The following CA8 variants were observed in gnomAD, a reference collection of about 807,000 sequenced individuals.
The protein encoded by CA8 is carbonic anhydrase 8 (inactive), also known as carbonic anhydrase-related protein.
In CA8, 22 loss-of-function variants were observed where a neutral mutation model predicts 41.4. The ratio of observed to expected loss-of-function variants is 0.53; its 90% CI spans 0.38 to 0.76. CA8 has a LOEUF of 0.76. Among genes scored for constraint, CA8 ranks in the 30% least tolerant of loss-of-function variants. The pLI is 0.00. For synonymous variants in CA8, 121 were observed against 130.6 expected (o/e 0.93, Z 0.50); for missense variants, 270 against 352.8 (o/e 0.77, Z 1.88).
At chr8:60,278,519 C>T (rs1269764840) in intron 2 of CA8, among the ~76,000 whole-genome samples, 1 of 152,132 alleles carries the variant, frequency 6.6e-6, no homozygotes, top group Non-Finnish European at 1.5e-5. Context: ...AATAATTTTA[C>T]AATATCCTTT....
chr8:60,240,897 G>A (rs1241787945), intron 3 of CA8, among the ~76,000 whole-genome samples: 1 of 151,948 alleles, frequency 6.6e-6, no homozygotes, highest in Non-Finnish European at 1.5e-5. Flanking sequence ...TTATATCTCA[G>A]CTGTTCTTAT....
At chr8:60,192,081 T>C (rs896145090) in intron 8 of CA8, among the ~76,000 whole-genome samples, 2 of 152,122 alleles carry the variant, frequency 1.3e-5, no homozygotes, top group Non-Finnish European at 2.9e-5. Flanking sequence ...TTCTTACTTA[T>C]ATATTTTTCA....
intron 2 of CA8, among the ~76,000 whole-genome samples, chr8:60,273,541 T>C (rs1346465840): frequency 6.6e-6 from 1 of 152,216 alleles, no homozygotes; most frequent in African/African-American, 2.4e-5. Context: ...TCTATGCAGA[T>C]GCACTGCTCA....
intron 8 of CA8, among the ~76,000 whole-genome samples, chr8:60,198,274 G>A (rs1806333920): frequency 6.6e-6 from 1 of 152,110 alleles, no homozygotes; most frequent in South Asian, 2.1e-4. Context: ...GGTCTCATAG[G>A]ATTGTTACGA....
chr8:60,192,937 GCACACACACACACACACA>G (rs377257462), intron 8 of CA8, among the ~76,000 whole-genome samples: 1 of 140,662 alleles, frequency 7.1e-6, no homozygotes, highest in African/African-American at 2.7e-5. Context: ...TCAACATCAT[GCACACACACACACACACA>G]CACACACACA....
chr8:60,258,062 T>C (rs1259822015), intron 3 of CA8, among the ~76,000 whole-genome samples: 1 of 152,228 alleles, frequency 6.6e-6, no homozygotes, highest in Non-Finnish European at 1.5e-5. Context: ...GCCATGCTGC[T>C]ACATCTCGCC....
chr8:60,245,069 T>C (rs953334264), intron 3 of CA8, among the ~76,000 whole-genome samples: 7 of 152,308 alleles, frequency 4.6e-5, no homozygotes, highest in East Asian at 1.9e-4. Context: ...CTGGCAAACA[T>C]AGTCTTCATA....
chr8:60,254,660 A>G (rs1184758622), intron 3 of CA8, among the ~76,000 whole-genome samples: 1 of 152,252 alleles, frequency 6.6e-6, no homozygotes, highest in East Asian at 1.9e-4. Context: ...GCCCTGGACC[A>G]GGGTCACAGT....
In CA8 at chr8:60,266,066, A is replaced by G; in HGVS notation, c.293-17T>C. 6.2e-7 allele frequency: 1 copy of G among 1,611,944 alleles called. No homozygotes were observed. Among genetic ancestry groups the G allele is most frequent in the Non-Finnish European group, 8.5e-7 (1 of 1,178,960 alleles). On this transcript the variant is annotated splice_polypyrimidine_tract_variant and intron_variant, in intron 2 of 8. Transcript: ENST00000317995. ...CCGAAAGAACTGAAAAAGAAAATATATGTTACCGAATTACAGCACACATTT... is the reference window on the plus strand; with the variant it reads ...CCGAAAGAACTGAAAAAGAAAATATGTGTTACCGAATTACAGCACACATTT...
chr8:60,276,312 G>C (rs1037489950), intron 2 of CA8, among the ~76,000 whole-genome samples: 3 of 152,178 alleles, frequency 2.0e-5, no homozygotes, highest in Non-Finnish European at 2.9e-5. Flanking sequence ...TGTTAGGAGA[G>C]GCCTGGAGAG....
chr8:60,206,903 C>G (rs978177535), intron 8 of CA8, among the ~76,000 whole-genome samples: 1 of 152,074 alleles, frequency 6.6e-6, no homozygotes, highest in East Asian at 1.9e-4. Context: ...TTTCCCACAC[C>G]CCAGCATATA....
intron 2 of CA8, among the ~76,000 whole-genome samples, chr8:60,270,199 T>C (rs1407820218): frequency 1.3e-5 from 2 of 152,196 alleles, no homozygotes; most frequent in Non-Finnish European, 2.9e-5. Flanking sequence ...GTATTATTCG[T>C]GCAGTATCTG....
At chr8:60,252,259 T>A (rs1808480721) in intron 3 of CA8, among the ~76,000 whole-genome samples, 2 of 152,128 alleles carry the variant, frequency 1.3e-5, no homozygotes, top group South Asian at 4.1e-4. Context: ...CTGTGGTGAT[T>A]CCAAGGAGTG....
chr8:60,236,769 T>C (rs142168264), intron 3 of CA8, among the ~76,000 whole-genome samples: 1 of 152,370 alleles, frequency 6.6e-6, no homozygotes, highest in African/African-American at 2.4e-5. Context: ...AAATACATAT[T>C]AGTGCATGAA....
At chr8:60,274,730 C>G (rs901141830) in intron 2 of CA8, among the ~76,000 whole-genome samples, 2 of 152,134 alleles carry the variant, frequency 1.3e-5, no homozygotes, top group African/African-American at 4.8e-5. Flanking sequence ...GACACCAAAT[C>G]TGTCAGCAGC....
intron 8 of CA8, among the ~76,000 whole-genome samples, chr8:60,198,799 T>C (rs1352244559): frequency 6.6e-6 from 1 of 152,170 alleles, no homozygotes; most frequent in African/African-American, 2.4e-5. Context: ...TTATTTCCTA[T>C]GGAAATATTT....
At chr8:60,206,876 C>T (rs1806603083) in intron 8 of CA8, among the ~76,000 whole-genome samples, 2 of 152,028 alleles carry the variant, frequency 1.3e-5, no homozygotes, top group Non-Finnish European at 2.9e-5. Context: ...TTCAGCCTCT[C>T]TCCATCTACT....
At chr8:60,225,100 G>A (rs1030008873) in intron 5 of CA8, among the ~76,000 whole-genome samples, 8 of 152,136 alleles carry the variant, frequency 5.3e-5, no homozygotes, top group African/African-American at 1.4e-4. Flanking sequence ...TGGAAAGGGA[G>A]ATCTGATATA....
At chr8:60,271,794 A>C (rs1804081604) in intron 2 of CA8, among the ~76,000 whole-genome samples, 1 of 152,108 alleles carries the variant, frequency 6.6e-6, no homozygotes, top group Non-Finnish European at 1.5e-5. Context: ...CTTAAGTATC[A>C]AGCCACTCAG....
Sources: gnomAD v4.1 joint callset for allele counts (sites outside exome capture counted in the v4.1 genomes callset) on GRCh38, gnomAD v4.1.1 for gene constraint, MANE v1.5 for transcripts, NCBI Gene and HGNC (gene_info 2026-07-23, HGNC 2026-07-21) for gene names.